Variants in OSBPL9 observed in about 807,000 individuals in gnomAD.
The protein encoded by OSBPL9 is oxysterol binding protein like 9.
A neutral mutation model predicts 106.6 loss-of-function variants in OSBPL9; 40 were observed. The ratio of observed to expected loss-of-function variants is 0.38; its 90% confidence interval spans 0.29 to 0.49. The LOEUF is 0.49. Among genes scored for constraint, OSBPL9 ranks in the 20% least tolerant of loss-of-function variants. The probability of loss-of-function intolerance (pLI) is 0.97; values close to 1 mark genes in which losing one functional copy is unlikely to be tolerated. For missense variants in OSBPL9, 609 were observed against 887.2 expected (o/e 0.69, Z 3.98); for synonymous variants, 269 against 295.4 (o/e 0.91, Z 0.92).
At chr1:51,524,281 T>C in the OSBPL9 span, among the ~76,000 whole-genome samples, 7 of 152,156 alleles carry the variant, frequency 4.6e-5, no homozygotes, top group African/African-American at 1.7e-4. Flanking sequence ...CAGTTCAAAA[T>C]TGTCATCATC....
Position 51,778,281 on chromosome 1 carries a change from T to C in OSBPL9, c.1256+1363T>C, listed in dbSNP as rs11583471. Among the ~76,000 whole-genome samples, 1,017 of 152,282 alleles carry C rather than the reference T, an allele frequency of 6.7e-3. 8 individuals are homozygous for C. Among genetic ancestry groups the C allele is most frequent in the Admixed American group, 0.011 (163 of 15,292 alleles). ...GCATGAACAAGGAACAAAGGGGGCA[T>C]GTAGAAAACCTATTAAAATGGTAGA... On this transcript the variant is annotated intron_variant, in intron 15 of 23. Transcript: ENST00000428468.
chr1:51,578,983 T>A (rs1191485867), intron 1 of OSBPL9, among the ~76,000 whole-genome samples: 1 of 151,884 alleles, frequency 6.6e-6, no homozygotes, highest in Non-Finnish European at 1.5e-5. Flanking sequence ...CTTCCCAGAG[T>A]GTCTGGCTTG....
chr1:51,653,545 G>A (rs1295116962), intron 2 of OSBPL9, among the ~76,000 whole-genome samples: 1 of 152,090 alleles, frequency 6.6e-6, no homozygotes, highest in Non-Finnish European at 1.5e-5. Context: ...GCCTCTCCAC[G>A]TGCCCCAATT....
At chr1:51,532,565 A>C in the OSBPL9 span, among the ~76,000 whole-genome samples, 1 of 152,246 alleles carries the variant, frequency 6.6e-6, no homozygotes, top group African/African-American at 2.4e-5. Context: ...CCCAGGTAGC[A>C]CTAAAAGCCC....
In OSBPL9 at chr1:51,714,759, C is replaced by T. The variant is rs114298349; in HGVS notation, c.318+680C>T. On this transcript the variant is annotated intron_variant, in intron 4 of 23. Transcript: ENST00000428468. ...TTTCTAGACCTTAATAGGAGTAACA[C>T]AATTATTGCTCATCACCCTAGCTTT... 5.7e-3 allele frequency among the ~76,000 whole-genome samples: 872 copies of T among 152,238 alleles called. 2 individuals carry two copies. Among genetic ancestry groups the T allele is most frequent in the African/African-American group, 0.02 (827 of 41,542 alleles).
intron 3 of OSBPL9, among the ~76,000 whole-genome samples, chr1:51,676,024 A>G (rs1651103125): frequency 1.3e-5 from 2 of 152,220 alleles, no homozygotes; most frequent in Admixed American, 1.3e-4. Flanking sequence ...ACTGGGAGCC[A>G]CAGACACATA....
the OSBPL9 span, among the ~76,000 whole-genome samples, chr1:51,557,299 A>G: frequency 6.6e-6 from 1 of 152,230 alleles, no homozygotes; most frequent in African/African-American, 2.4e-5. Context: ...CCAATTTTTA[A>G]CAATTGGTTT....
At chr1:51,704,773 C>T (rs1367767261) in intron 3 of OSBPL9, among the ~76,000 whole-genome samples, 1 of 152,182 alleles carries the variant, frequency 6.6e-6, no homozygotes, top group Non-Finnish European at 1.5e-5. Context: ...CCGCAGGTCT[C>T]ACCTCCTAAT....
the OSBPL9 span, among the ~76,000 whole-genome samples, chr1:51,530,185 A>AAAAAAAG: frequency 9.8e-6 from 1 of 101,656 alleles, no homozygotes; most frequent in Non-Finnish European, 2.0e-5. Flanking sequence ...AAAAAAAAAA[A>AAAAAAAG]AAAAAAACAA....
chr1:51,555,493 C>G, the OSBPL9 span, among the ~76,000 whole-genome samples: 1 of 151,872 alleles, frequency 6.6e-6, no homozygotes, highest in Non-Finnish European at 1.5e-5. Flanking sequence ...TCTCCTTAAT[C>G]AGAAAAACTA....
intron 2 of OSBPL9, among the ~76,000 whole-genome samples, chr1:51,662,742 A>ATT (rs139072045): frequency 0.027 from 3,513 of 131,736 alleles, 261 homozygotes; most frequent in African/African-American, 0.095. Flanking sequence ...AAATCAACGA[A>ATT]TTTTTTTTTT....
In OSBPL9 at chr1:51,761,972, G is replaced by A. The variant is rs1341806997; in HGVS notation, c.778+1G>A. 6.3e-7 allele frequency: 1 copy of A among 1,583,046 alleles called. No individual in the cohort carries two copies. ...CAGACTCCTACACCAAATAGTACAG[G>A]TACAGATTTGCATAATTTCTTTATG... is the stretch of plus-strand genomic sequence containing the variant. On this transcript the variant is annotated splice_donor_variant, in intron 11 of 23. Coordinates refer to ENST00000428468, the MANE Select transcript of OSBPL9 (RefSeq NM_024586.6). LOFTEE classifies it high-confidence loss of function.
At chr1:51,720,049 C>A (rs1036773064) in intron 4 of OSBPL9, among the ~76,000 whole-genome samples, 26 of 152,210 alleles carry the variant, frequency 1.7e-4, no homozygotes, top group Admixed American at 6.5e-5. Context: ...TTGGCTTTGA[C>A]TTCATATAGA....
intron 1 of OSBPL9, among the ~76,000 whole-genome samples, chr1:51,593,369 C>T (rs1021172001): frequency 1.3e-5 from 2 of 152,124 alleles, no homozygotes; most frequent in Admixed American, 1.3e-4. Context: ...TTATTTCTCC[C>T]CACTTATCAC....
chr1:51,687,992 A>C (rs532183058), intron 3 of OSBPL9, among the ~76,000 whole-genome samples: 1 of 152,182 alleles, frequency 6.6e-6, no homozygotes, highest in African/African-American at 2.4e-5. Flanking sequence ...GGTTGCTTTT[A>C]CTTACACAGG....
At chr1:51,552,861 G>T in the OSBPL9 span, among the ~76,000 whole-genome samples, 1 of 151,816 alleles carries the variant, frequency 6.6e-6, no homozygotes, top group African/African-American at 2.4e-5. Context: ...CTGACCTAGT[G>T]ATCCACCCAC....
chr1:51,752,008 A>G (rs1669352141), intron 8 of OSBPL9, among the ~76,000 whole-genome samples: 1 of 152,156 alleles, frequency 6.6e-6, no homozygotes, highest in Non-Finnish European at 1.5e-5. Context: ...TACAATCCTC[A>G]ATTATATTTG....
chr1:51,568,894 G>T, the OSBPL9 span, among the ~76,000 whole-genome samples: 1 of 152,160 alleles, frequency 6.6e-6, no homozygotes, highest in African/African-American at 2.4e-5. Context: ...TGTATTTTCA[G>T]TAGAGATGGG....
intron 4 of OSBPL9, among the ~76,000 whole-genome samples, chr1:51,738,963 T>A (rs1178442965): frequency 6.6e-6 from 1 of 151,978 alleles, no homozygotes; most frequent in African/African-American, 2.4e-5. Flanking sequence ...ATTTAATCTC[T>A]CCAGTAACCT....
Sources: allele counts gnomAD v4.1 joint callset (sites outside exome capture counted in the v4.1 genomes callset), GRCh38; gene constraint gnomAD v4.1.1; transcripts MANE v1.5; gene names NCBI Gene and HGNC (gene_info 2026-07-23, HGNC 2026-07-21).